The following CD59 variants were observed in gnomAD, a reference collection of about 807,000 sequenced individuals.
CD59 encodes CD59 molecule (CD59 blood group), also known as CD59 glycoprotein.
Under a neutral mutation model 7.0 loss-of-function variants are expected in CD59, and 3 were observed. The ratio of observed to expected loss-of-function variants is 0.43; its 90% CI spans 0.19 to 1.10. The LOEUF (loss-of-function observed/expected upper bound fraction) is 1.10, where lower values mean the gene tolerates loss of function less well. CD59 is among the 50% of genes least tolerant of loss of function. The pLI, the probability that CD59 is intolerant of heterozygous loss-of-function variation, is 0.29. For synonymous variants in CD59, 60 were observed against 62.0 expected, an observed-to-expected ratio of 0.97 and a Z score of 0.15; for missense variants, 143 against 151.0, an observed-to-expected ratio of 0.95 and a Z score of 0.28.
At chr11:33,728,398 C>T (rs1395403907) in intron 1 of CD59, among the ~76,000 whole-genome samples, 2 of 152,152 alleles carry the variant, frequency 1.3e-5, no homozygotes, top group Admixed American at 1.3e-4. Flanking sequence ...TTTGACAAAC[C>T]TGACAAAAAC....
rs920661518 is a variant in CD59 at position 33,705,565 on chromosome 11, G to A, written c.*4561C>T. On this transcript the variant is annotated 3_prime_UTR_variant, in exon 4 of 4. Coordinates refer to ENST00000642928, the MANE Select transcript of CD59 (RefSeq NM_000611.6). ...ACTTGCACCAGTGGGTTGGTTGCCA[G>A]GGGCTCTTGGGCCTTTGGCCACAGA... 1 of 152,268 alleles carries A rather than the reference G, an allele frequency of 6.6e-6. No homozygotes were observed. The highest frequency in any genetic ancestry group is 1.5e-5 in the Non-Finnish European group (1 of 68,046). 9.4% of individuals were successfully genotyped at this position (152,268 alleles called of 1,614,324 possible). A position where few individuals can be genotyped will look rare whatever the true frequency, so the allele number is the denominator to read the frequency against.
At chr11:33,712,309 G>A (rs1318037464) in intron 3 of CD59, among the ~76,000 whole-genome samples, 5 of 152,134 alleles carry the variant, frequency 3.3e-5, no homozygotes, top group Admixed American at 6.5e-5. Context: ...TGAAAACTAC[G>A]TTCACACACA....
chr11:33,722,307 G>A (rs1484363123), intron 2 of CD59, 72 bp downstream of exon 2: 19 of 1,147,512 alleles, frequency 1.7e-5, no homozygotes, highest in African/African-American at 3.0e-5. Flanking sequence ...AGCTGGGGCT[G>A]AAACTGAGGC....
chr11:33,727,345 C>A (rs1271481742), intron 1 of CD59, among the ~76,000 whole-genome samples: 1 of 152,200 alleles, frequency 6.6e-6, no homozygotes, highest in Non-Finnish European at 1.5e-5. Flanking sequence ...GGCTTCATCC[C>A]TGGGATGCAA....
chr11:33,717,377 G>C lies in CD59; in HGVS notation c.162C>G (p.Thr54=). The change falls in exon 3 of 4, where the codon ACC becomes ACG. Residue 54 remains threonine, a synonymous_variant. Transcript: ENST00000642928. The part of the protein sequence containing the change: ...CSSDFDACLI[T]KAGLQVYNKC... Reference sequence around the variant, plus strand: ...GACAGGGGAGGCTCTTACCAGCTTTGGTAATGAGACACGCATCAAAATCAG... The same window carrying C: ...GACAGGGGAGGCTCTTACCAGCTTTCGTAATGAGACACGCATCAAAATCAG... 3 of 1,607,710 alleles carry C rather than the reference G, an allele frequency of 1.9e-6. No homozygotes were observed. Among genetic ancestry groups the C allele is most frequent in the Non-Finnish European group, 2.6e-6 (3 of 1,174,338 alleles).
At chr11:33,711,043 A>AT (rs1282509886) in intron 3 of CD59, among the ~76,000 whole-genome samples, 1 of 118,134 alleles carries the variant, frequency 8.5e-6, no homozygotes. Flanking sequence ...AAAAAAAAAA[A>AT]AATAAAGGTG....
At chr11:33,710,563 G>C (rs1166603653) in intron 3 of CD59, among the ~76,000 whole-genome samples, 1 of 152,182 alleles carries the variant, frequency 6.6e-6, no homozygotes, top group Non-Finnish European at 1.5e-5. Context: ...AGCCAGTATA[G>C]TTATGGGGGT....
rs902802033 is a variant in CD59, at chr11:33,736,012, G to A, written c.-19+370C>T. 1.3e-5 allele frequency among the ~76,000 whole-genome samples: 2 copies of A among 152,132 alleles called. No homozygotes were observed. Among genetic ancestry groups the A allele is most frequent in the Admixed American group, 1.3e-4 (2 of 15,286 alleles). ...GGAACTGCCGTGACCACGGAGGGCTGGCCTTTCCCCCGGCGCAGTTTCTCT... is the reference window on the plus strand; with the variant it reads ...GGAACTGCCGTGACCACGGAGGGCTAGCCTTTCCCCCGGCGCAGTTTCTCT... On this transcript the variant is annotated intron_variant, in intron 1 of 3. Transcript: ENST00000642928. The surrounding 1 kb of genome is among the most constrained non-coding windows in gnomAD (Gnocchi z 4.4).
chr11:33,727,334 C>A (rs182610377), intron 1 of CD59, among the ~76,000 whole-genome samples: 201 of 152,296 alleles, frequency 1.3e-3, no homozygotes, highest in Non-Finnish European at 1.0e-3. Flanking sequence ...ACAATCAAGT[C>A]GGCTTCATCC....
intron 3 of CD59, 129 bp downstream of exon 3, chr11:33,717,236 CCAATA>C (rs1359908295): frequency 1.4e-6 from 1 of 700,730 alleles, no homozygotes; most frequent in Non-Finnish European, 2.6e-6. Flanking sequence ...AGTGCTTAGC[CCAATA>C]CACACCTGAC....
At chr11:33,713,475 T>C (rs1478305762) in intron 3 of CD59, among the ~76,000 whole-genome samples, 1 of 152,206 alleles carries the variant, frequency 6.6e-6, no homozygotes, top group Non-Finnish European at 1.5e-5. Flanking sequence ...GGTATCTGGA[T>C]TGGAATTTAA....
In CD59 at chr11:33,705,161, T is replaced by G. The variant is rs1853259545; in HGVS notation, c.*4965A>C. On this transcript the variant is annotated 3_prime_UTR_variant, in exon 4 of 4. Transcript: ENST00000642928. ...ATCAACCGGCATCAACTAGCCATGC[T>G]ACCTTGGGCAAAATAACCGTAGCTA... 6.6e-6 allele frequency: 1 copy of G among 152,238 alleles called. No individual in the cohort carries two copies. The allele number at this position is 152,238 out of a possible 1,614,324, so 9.4% of individuals were successfully genotyped here. A position where few individuals can be genotyped will look rare whatever the true frequency, so the allele number is the denominator to read the frequency against.
chr11:33,704,941 G>C lies in CD59; in HGVS notation c.*5185C>G, dbSNP rs1381293850. On this transcript the variant is annotated 3_prime_UTR_variant, in exon 4 of 4. Coordinates refer to ENST00000642928, the MANE Select transcript of CD59 (RefSeq NM_000611.6). ...TTAACCATTGTGTTGGTCTGGACTT[G>C]GGGGTGCAGGCATTCCCATCTCCCT... The C allele has an allele frequency of 6.6e-6, 1 of 152,462 alleles. No homozygotes were observed. Among genetic ancestry groups the C allele is most frequent in the Non-Finnish European group, 1.5e-5 (1 of 68,048 alleles). 9.4% of individuals were successfully genotyped at this position (152,462 alleles called of 1,614,324 possible).
At chr11:33,732,484 A>C (rs1290194665) in intron 1 of CD59, among the ~76,000 whole-genome samples, 1 of 152,186 alleles carries the variant, frequency 6.6e-6, no homozygotes, top group Non-Finnish European at 1.5e-5. Context: ...GCAGAAGCCT[A>C]TACAGCCCAA....
intron 3 of CD59, among the ~76,000 whole-genome samples, chr11:33,712,111 T>G (rs1853585789): frequency 6.6e-6 from 1 of 152,242 alleles, no homozygotes; most frequent in South Asian, 2.1e-4. Flanking sequence ...GTTTTTCAAA[T>G]TTGCCACATG....
chr11:33,710,293 C>T lies in CD59; in HGVS notation c.220G>A (p.Asp74Asn), dbSNP rs144931418. ...TTTTCCCTCAAGCGGGTTGTGACGT[C>T]GTTGAAATTGCAATGCTCAAACTTC... Reference protein sequence around the residue: ...CWKFEHCNFNDVTTRLRENEL... With the variant: ...CWKFEHCNFNNVTTRLRENEL... The change falls in exon 4 of 4, where the codon GAC becomes AAC. Residue 74 changes from aspartate to asparagine, a missense_variant. Coordinates refer to ENST00000642928, the MANE Select transcript of CD59 (RefSeq NM_000611.6). The T allele has an allele frequency of 6.2e-6, 10 of 1,614,050 alleles. No individual in the cohort carries two copies. The highest frequency in any genetic ancestry group is 1.6e-4 in the Middle Eastern group (1 of 6,084).
At chr11:33,734,149 T>A (rs1013368386) in intron 1 of CD59, among the ~76,000 whole-genome samples, 11 of 152,222 alleles carry the variant, frequency 7.2e-5, no homozygotes, top group Non-Finnish European at 1.2e-4. Context: ...CAATACCTGC[T>A]CTAGCCATGC....
chr11:33,723,552 T>C (rs1854158579), intron 1 of CD59, among the ~76,000 whole-genome samples: 1 of 151,928 alleles, frequency 6.6e-6, no homozygotes, highest in Non-Finnish European at 1.5e-5. Flanking sequence ...AAAGAGGTGG[T>C]TTTATGATAT....
chr11:33,710,322 C>A lies in CD59; in HGVS notation c.191G>T (p.Cys64Phe). The A allele has an allele frequency of 6.2e-7, 1 of 1,614,116 alleles. No individual in the cohort carries two copies. The highest frequency in any genetic ancestry group is 8.5e-7 in the Non-Finnish European group (1 of 1,179,964). ...GAAATTGCAATGCTCAAACTTCCAACACTTGTTATACACTTGTAACCCTGT... is the reference window on the plus strand; with the variant it reads ...GAAATTGCAATGCTCAAACTTCCAAAACTTGTTATACACTTGTAACCCTGT... ...TKAGLQVYNK[C>F]WKFEHCNFND... The change falls in exon 4 of 4, where the codon TGT becomes TTT. Residue 64 changes from cysteine to phenylalanine, a missense_variant. Coordinates refer to ENST00000642928, the MANE Select transcript of CD59 (RefSeq NM_000611.6).
Sources: gnomAD v4.1 joint callset for allele counts (sites outside exome capture counted in the v4.1 genomes callset) on GRCh38, gnomAD v4.1.1 for gene constraint, Gnocchi (gnomAD v3.1) non-coding constraint, MANE v1.5 for transcripts, NCBI Gene and HGNC (gene_info 2026-07-23, HGNC 2026-07-21) for gene names.